DIAPH2: variants seen among roughly 807,000 people sequenced by gnomAD.
The protein encoded by DIAPH2 is protein diaphanous homolog 2.
In DIAPH2, 35 loss-of-function variants were observed where a neutral mutation model predicts 92.7. The ratio of observed to expected loss-of-function variants is 0.38; its 90% CI spans 0.29 to 0.50. The LOEUF (loss-of-function observed/expected upper bound fraction) is 0.50. Ranked by LOEUF, DIAPH2 falls within the 20% of genes least tolerant of loss-of-function variation. DIAPH2 has a pLI of 0.94. For missense variants in DIAPH2, 701 were observed against 819.5 expected, an observed-to-expected ratio of 0.86 and a Z score of 1.77; for synonymous variants, 301 against 280.4, an observed-to-expected ratio of 1.07 and a Z score of -0.73.
intron 23 of DIAPH2, among the ~76,000 whole-genome samples, chrX:97,279,165 G>A (rs1182301164): frequency 9.0e-6 from 1 of 111,173 alleles, no homozygotes; most frequent in Non-Finnish European, 1.9e-5. Flanking sequence ...TCTAGATTTG[G>A]TCTAGCATTT....
At chrX:97,230,203 A>AATATTCAAATATT (rs1225068972) in intron 22 of DIAPH2, among the ~76,000 whole-genome samples, 1 of 111,897 alleles carries the variant, frequency 8.9e-6, no homozygotes, top group East Asian at 2.8e-4. Flanking sequence ...AATATTGATA[A>AATATTCAAATATT]GAAATCTTCA....
intron 17 of DIAPH2, among the ~76,000 whole-genome samples, chrX:97,038,222 T>TAC (rs766723721): frequency 2.0e-3 from 218 of 110,737 alleles, no homozygotes; most frequent in Middle Eastern, 9.4e-3. Context: ...GTATTCCATA[T>TAC]ACACACACAC....
chrX:96,867,217 T>C (rs531485349), intron 4 of DIAPH2, among the ~76,000 whole-genome samples: 1 of 111,286 alleles, frequency 9.0e-6, no homozygotes, highest in South Asian at 3.8e-4. Flanking sequence ...GGTTTTTGTT[T>C]TGTTTTGTTT....
intron 22 of DIAPH2, among the ~76,000 whole-genome samples, chrX:97,149,799 C>T (rs1410641459): frequency 9.7e-6 from 1 of 102,583 alleles, no homozygotes; most frequent in East Asian, 3.2e-4. Flanking sequence ...TGTACTCTAT[C>T]AATAGCAACA....
rs1327051923 is a variant in DIAPH2, at chrX:97,348,254, C to G, written c.2983C>G (p.Leu995Val). ...TVSIEEFFGD[L>V]NNFRTLFLEA... is the part of the protein sequence containing the mutation. ...GAGCATAGAAGAGTTCTTTGGTGATCTCAACAACTTCCGAACTTTGTTTTT... is the reference window on the plus strand; with the variant it reads ...GAGCATAGAAGAGTTCTTTGGTGATGTCAACAACTTCCGAACTTTGTTTTT... The change falls in exon 24 of 27, where the codon CTC (leucine) becomes GTC (valine). Residue 995 changes from leucine (L) to valine (V), a missense_variant. Transcript: ENST00000324765. The G allele has an allele frequency of 8.3e-7, 1 of 1,204,413 alleles. No homozygotes were observed. The highest frequency in any genetic ancestry group is 1.8e-5 in the African/African-American group (1 of 56,970).
chrX:96,736,304 T>C (rs761628819), intron 2 of DIAPH2, among the ~76,000 whole-genome samples: 2 of 111,260 alleles, frequency 1.8e-5, no homozygotes, highest in Non-Finnish European at 3.8e-5. Context: ...TTAAGCCTTG[T>C]CAGTTTTTTT....
At chrX:97,111,111 G>C (rs995830452) in intron 20 of DIAPH2, among the ~76,000 whole-genome samples, 2 of 112,342 alleles carry the variant, frequency 1.8e-5, no homozygotes, top group African/African-American at 6.5e-5. Flanking sequence ...TGGAACTAGT[G>C]CTTTTTACTC....
At chrX:97,410,076 C>A (rs181216225) in intron 25 of DIAPH2, among the ~76,000 whole-genome samples, 101 of 112,173 alleles carry the variant, frequency 9.0e-4, no homozygotes, top group African/African-American at 3.0e-3. Flanking sequence ...CAAGTGGGTC[C>A]CTGACCCCCG....
chrX:96,994,050 G>A (rs1316646423), intron 17 of DIAPH2, among the ~76,000 whole-genome samples: 3 of 111,664 alleles, frequency 2.7e-5, no homozygotes, highest in Non-Finnish European at 5.6e-5. Flanking sequence ...AACCTTAAAT[G>A]TATTTTTAAT....
At chrX:96,888,497 CTCTA>C (rs2065280275) in intron 5 of DIAPH2, among the ~76,000 whole-genome samples, 1 of 102,477 alleles carries the variant, frequency 9.8e-6, no homozygotes, top group African/African-American at 3.5e-5. Flanking sequence ...AGATATATAT[CTCTA>C]TATATGTACA....
intron 23 of DIAPH2, among the ~76,000 whole-genome samples, chrX:97,259,430 ATAAT>A (rs1569343552): frequency 3.6e-5 from 4 of 112,189 alleles, no homozygotes; most frequent in Non-Finnish European, 7.5e-5. Context: ...CAAATTCTAA[ATAAT>A]TAATAATATT....
intron 4 of DIAPH2, among the ~76,000 whole-genome samples, chrX:96,878,491 A>G (rs1231085150): frequency 8.9e-6 from 1 of 111,991 alleles, no homozygotes; most frequent in Non-Finnish European, 1.9e-5. Flanking sequence ...TTATGTTAAA[A>G]TCTCAAAGTC....
intron 4 of DIAPH2, among the ~76,000 whole-genome samples, chrX:96,768,448 G>A (rs1019381965): frequency 1.8e-5 from 2 of 111,539 alleles, no homozygotes; most frequent in African/African-American, 6.5e-5. Context: ...TTAGTGCCAG[G>A]CATTATTCCA....
At chrX:97,336,833 ATAAAG>A (rs1206475010) in intron 23 of DIAPH2, among the ~76,000 whole-genome samples, 3 of 112,079 alleles carry the variant, frequency 2.7e-5, no homozygotes, top group Non-Finnish European at 5.6e-5. Flanking sequence ...AAGAGAGTGA[ATAAAG>A]AAAGTGGGTA....
At chrX:97,009,198 G>A (rs1166162267) in intron 17 of DIAPH2, among the ~76,000 whole-genome samples, 1 of 110,864 alleles carries the variant, frequency 9.0e-6, no homozygotes, top group Non-Finnish European at 1.9e-5. Flanking sequence ...TCTCCGTGTG[G>A]CCATCACCAC....
intron 5 of DIAPH2, among the ~76,000 whole-genome samples, chrX:96,898,677 T>C (rs1021359037): frequency 9.3e-6 from 1 of 107,849 alleles, no homozygotes; most frequent in African/African-American, 3.3e-5. Context: ...TTTTGTAGGT[T>C]GCCTGTTCAC....
At chrX:97,326,204 C>G (rs909779013) in intron 23 of DIAPH2, among the ~76,000 whole-genome samples, 1 of 112,041 alleles carries the variant, frequency 8.9e-6, no homozygotes, top group Non-Finnish European at 1.9e-5. Context: ...GGAACAAAAG[C>G]ATGTCATTGT....
intron 4 of DIAPH2, among the ~76,000 whole-genome samples, chrX:96,785,870 G>A (rs1212758971): frequency 9.0e-6 from 1 of 111,047 alleles, no homozygotes; most frequent in Admixed American, 9.6e-5. Context: ...TCCTAATACC[G>A]CCACAATGGC....
rs1294762239 is a variant in DIAPH2, at chrX:97,137,812, T to A, written c.2590-3853T>A. Among the ~76,000 whole-genome samples, 4 of 111,971 alleles carry A rather than the reference T, an allele frequency of 3.6e-5. No homozygotes were observed. In the Admixed American group the frequency reaches 3.8e-4, roughly 11 times the overall value. On this transcript the variant is annotated intron_variant, in intron 21 of 26. Transcript: ENST00000324765. ...TATGCAAAATCAAGAACTTTTCTTT[T>A]CCAGCAGATGACAGGAGCCTTTGCA...
Sources: gnomAD v4.1 joint callset for allele counts (sites outside exome capture counted in the v4.1 genomes callset) on GRCh38, gnomAD v4.1.1 for gene constraint, MANE v1.5 for transcripts, NCBI Gene and HGNC (gene_info 2026-07-23, HGNC 2026-07-21) for gene names.